The following SETBP1 variants were observed in gnomAD, a reference collection of about 807,000 sequenced individuals.
The protein encoded by SETBP1 is SET-binding protein.
A neutral mutation model predicts 101.0 loss-of-function variants in SETBP1; 9 were observed. The observed-to-expected ratio is 0.09, with a 90% confidence interval of 0.05 to 0.16. The LOEUF (loss-of-function observed/expected upper bound fraction) is 0.16. Among genes scored for constraint, SETBP1 ranks in the 10% least tolerant of loss-of-function variants. SETBP1 has a pLI of 1.00. For synonymous variants in SETBP1, 818 were observed against 788.5 expected, an observed-to-expected ratio of 1.04 and a Z score of -0.63; for missense variants, 1,858 against 2,033.8, an observed-to-expected ratio of 0.91 and a Z score of 1.66.
intron 3 of SETBP1, among the ~76,000 whole-genome samples, chr18:44,884,451 T>C (rs975567279): frequency 2.6e-5 from 4 of 152,322 alleles, no homozygotes; most frequent in Admixed American, 2.6e-4. Context: ...CCAAGGCTTT[T>C]GCCACTTTTG....
At chr18:44,889,109 A>G (rs1455694812) in intron 3 of SETBP1, among the ~76,000 whole-genome samples, 7 of 152,106 alleles carry the variant, frequency 4.6e-5, no homozygotes, top group Admixed American at 2.0e-4. Context: ...TTGTAGAGTC[A>G]GTCCCCTCCA....
rs150594069 is a variant in SETBP1 at position 44,973,444 on chromosome 18, G to A, written c.4000+20104G>A. ...TTTTGTGTCAAGGAATCTAATATAT[G>A]GAGACCCAAAGGATGCAGTTGCTGC... On this transcript the variant is annotated intron_variant, in intron 4 of 5. Coordinates refer to ENST00000649279, the MANE Select transcript of SETBP1 (RefSeq NM_015559.3). Among the ~76,000 whole-genome samples the A allele has an allele frequency of 4.4e-4, 67 of 152,230 alleles. No individual in the cohort carries two copies. In the East Asian group the frequency reaches 0.012, roughly 27 times the overall value.
At chr18:44,946,496 T>G (rs140517947) in intron 3 of SETBP1, among the ~76,000 whole-genome samples, 273 of 152,264 alleles carry the variant, frequency 1.8e-3, no homozygotes, top group African/African-American at 6.2e-3. Flanking sequence ...ACAGTAAAAA[T>G]TGCATTGAAG....
At chr18:44,754,832 G>A (rs1251270295) in intron 2 of SETBP1, among the ~76,000 whole-genome samples, 2 of 152,106 alleles carry the variant, frequency 1.3e-5, no homozygotes, top group East Asian at 1.9e-4. Flanking sequence ...TTCTGTTTAC[G>A]CTTAAAATCC....
intron 3 of SETBP1, among the ~76,000 whole-genome samples, chr18:44,910,358 C>T (rs2070278189): frequency 6.6e-6 from 1 of 152,160 alleles, no homozygotes; most frequent in South Asian, 2.1e-4. Flanking sequence ...TGTTTTTTAG[C>T]ATTTTTCCTT....
At chr18:45,017,794 T>A (rs1451972929) in intron 4 of SETBP1, among the ~76,000 whole-genome samples, 2 of 152,176 alleles carry the variant, frequency 1.3e-5, no homozygotes, top group Admixed American at 1.3e-4. Flanking sequence ...TCTGCAGGAG[T>A]CTGCCCACCA....
Position 44,737,183 on chromosome 18 carries a change from T to A in SETBP1, c.486+35351T>A, listed in dbSNP as rs1029087454. On this transcript the variant is annotated intron_variant, in intron 2 of 5. Transcript: ENST00000649279. ...TGGCTTGCTAGAGGCCTGTGTTGAG[T>A]TTGTCTGGGACAGGCCTCCTGTGAA... Among the ~76,000 whole-genome samples, 3 of 152,152 alleles carry A rather than the reference T, an allele frequency of 2.0e-5. No homozygotes were observed. In the East Asian group the frequency reaches 5.8e-4, roughly 29 times the overall value.
chr18:44,859,727 T>C, intron 2 of SETBP1, among the ~76,000 whole-genome samples: 1 of 152,216 alleles, frequency 6.6e-6, no homozygotes, highest in Non-Finnish European at 1.5e-5. Flanking sequence ...AAAATCATAG[T>C]GACTTTTCAT....
intron 2 of SETBP1, among the ~76,000 whole-genome samples, chr18:44,774,551 G>A (rs534764235): frequency 3.5e-4 from 54 of 152,340 alleles, no homozygotes; most frequent in African/African-American, 1.2e-3. Flanking sequence ...CAAGTAGGAC[G>A]TGTAGAGGAG....
intron 3 of SETBP1, among the ~76,000 whole-genome samples, chr18:44,875,527 C>CAAAAAAAA (rs10645515): frequency 1.8e-4 from 11 of 61,600 alleles, no homozygotes; most frequent in South Asian, 9.4e-4. Context: ...GACTCCATCT[C>CAAAAAAAA]AAAAAAAAAA....
intron 4 of SETBP1, among the ~76,000 whole-genome samples, chr18:44,964,087 G>A (rs2071671402): frequency 6.6e-6 from 1 of 151,380 alleles, no homozygotes; most frequent in East Asian, 2.0e-4. Context: ...CAAGGAACTG[G>A]GATGTAGGCT....
In SETBP1 at chr18:45,018,456, C is replaced by T. The variant is rs116997934; in HGVS notation, c.4001-20029C>T. On this transcript the variant is annotated intron_variant, in intron 4 of 5. Transcript: ENST00000649279. ...TATGTGTTGATCATGTGACCTCTCA[C>T]TAGCCCTTTGCTGGGTGGACGCTCT... is the stretch of plus-strand genomic sequence containing the variant. 8.6e-3 allele frequency among the ~76,000 whole-genome samples: 1,317 copies of T among 152,318 alleles called. 11 individuals carry two copies. Among genetic ancestry groups the T allele is most frequent in the Non-Finnish European group, 0.014 (920 of 68,034 alleles).
intron 2 of SETBP1, among the ~76,000 whole-genome samples, chr18:44,837,314 C>T (rs1169819892): frequency 6.6e-5 from 10 of 152,130 alleles, no homozygotes; most frequent in Non-Finnish European, 1.3e-4. Flanking sequence ...AGTCTTAGTC[C>T]CTGTATCAAC....
intron 2 of SETBP1, among the ~76,000 whole-genome samples, chr18:44,727,644 C>A (rs556306919): frequency 6.6e-6 from 1 of 152,272 alleles, no homozygotes; most frequent in South Asian, 2.1e-4. Context: ...TCTCAAAACA[C>A]CTTAAATATG....
At chr18:44,872,595 G>A (rs1406503256) in intron 3 of SETBP1, among the ~76,000 whole-genome samples, 5 of 152,182 alleles carry the variant, frequency 3.3e-5, no homozygotes, top group South Asian at 2.1e-4. Context: ...CAAGGCAAAC[G>A]CTGGCATCCA....
chr18:44,876,743 A>G, intron 3 of SETBP1: 1 of 1,532,852 alleles, frequency 6.5e-7, no homozygotes. Flanking sequence ...GTCTGGGCAC[A>G]AGAAGTATAA....
chr18:44,993,069 T>C (rs1240325766), intron 4 of SETBP1, among the ~76,000 whole-genome samples: 1 of 152,020 alleles, frequency 6.6e-6, no homozygotes, highest in Non-Finnish European at 1.5e-5. Context: ...AATGATTATG[T>C]CAATTGATGC....
chr18:44,984,608 A>G (rs2072189086), intron 4 of SETBP1, among the ~76,000 whole-genome samples: 1 of 152,190 alleles, frequency 6.6e-6, no homozygotes, highest in African/African-American at 2.4e-5. Flanking sequence ...AGAATGATGT[A>G]CAATGATGAA....
intron 2 of SETBP1, among the ~76,000 whole-genome samples, chr18:44,816,724 C>A (rs1185374579): frequency 6.6e-6 from 1 of 152,092 alleles, no homozygotes; most frequent in African/African-American, 2.4e-5. Context: ...AGTTCAACAC[C>A]CCCACATCAT....
Sources: allele counts gnomAD v4.1 joint callset (sites outside exome capture counted in the v4.1 genomes callset), GRCh38; gene constraint gnomAD v4.1.1; transcripts MANE v1.5; gene names NCBI Gene and HGNC (gene_info 2026-07-23, HGNC 2026-07-21).